FOXN3: variants seen among roughly 807,000 people sequenced by gnomAD.
The protein encoded by FOXN3 is forkhead box protein N3.
FOXN3 carries 7 observed loss-of-function variants against 38.4 expected under a neutral mutation model. The observed-to-expected ratio is 0.18, with a 90% CI of 0.10 to 0.34. The LOEUF (loss-of-function observed/expected upper bound fraction) is 0.34. FOXN3 is among the 10% of genes least tolerant of loss of function. The probability of loss-of-function intolerance (pLI) is 1.00; values close to 1 mark genes in which losing one functional copy is unlikely to be tolerated. For synonymous variants in FOXN3, 230 were observed against 242.2 expected (o/e 0.95, Z 0.47); for missense variants, 456 against 613.4 (o/e 0.74, Z 2.71).
intron 2 of FOXN3, among the ~76,000 whole-genome samples, chr14:89,391,251 G>C (rs1243705061): frequency 6.6e-6 from 1 of 152,212 alleles, no homozygotes; most frequent in Non-Finnish European, 1.5e-5. Context: ...GCACGACTGT[G>C]TCTCAGAAAT....
intron 1 of FOXN3, among the ~76,000 whole-genome samples, chr14:89,601,890 G>C (rs1005098654): frequency 6.6e-6 from 1 of 152,072 alleles, no homozygotes; most frequent in Non-Finnish European, 1.5e-5. Flanking sequence ...TTTCCAGGTA[G>C]AGTAAATGAA....
intron 1 of FOXN3, among the ~76,000 whole-genome samples, chr14:89,542,439 TG>T (rs2139849928): frequency 6.6e-6 from 1 of 152,330 alleles, no homozygotes. Context: ...TTGCTCAAAA[TG>T]GAGTCACTCT....
chr14:89,419,255 G>C (rs1453085310), upstream of FOXN3: 1 of 453,304 alleles, frequency 2.2e-6, no homozygotes, highest in African/African-American at 2.0e-5. Context: ...TCTGCCTGTC[G>C]GTCTATCTGA....
chr14:89,306,525 C>T (rs1887382235), intron 3 of FOXN3, among the ~76,000 whole-genome samples: 1 of 152,140 alleles, frequency 6.6e-6, no homozygotes, highest in Non-Finnish European at 1.5e-5. Flanking sequence ...CACCACCACG[C>T]CCGGCTAATT....
At chr14:89,207,442 T>G (rs554721429) in intron 4 of FOXN3, among the ~76,000 whole-genome samples, 3 of 152,208 alleles carry the variant, frequency 2.0e-5, no homozygotes, top group African/African-American at 4.8e-5. Context: ...GCTATTGATA[T>G]TACTATAGTT....
rs1164552512 is a variant in FOXN3 at position 89,569,305 on chromosome 14, A to G, written c.-15+49723T>C. On this transcript the variant is annotated intron_variant, in intron 1 of 6. Coordinates refer to the FOXN3 transcript ENST00000345097. ...GGGTGGGGGTGGGTGCCCATCTAAG[A>G]GTCAGGGAAAGTAGTATTTAATACG... Among the ~76,000 whole-genome samples the G allele has an allele frequency of 7.2e-5, 11 of 152,198 alleles. 1 individual carries two copies. Among genetic ancestry groups the G allele is most frequent in the Non-Finnish European group, 1.2e-4 (8 of 68,042 alleles).
At chr14:89,449,297 A>G (rs189660993) in intron 1 of FOXN3, among the ~76,000 whole-genome samples, 1,909 of 152,338 alleles carry the variant, frequency 0.013, 16 homozygotes, top group Middle Eastern at 0.037. Flanking sequence ...GTGATTTCTT[A>G]AAAGTCCATA....
At chr14:89,252,384 G>A (rs549442387) in intron 4 of FOXN3, among the ~76,000 whole-genome samples, 1 of 152,320 alleles carries the variant, frequency 6.6e-6, no homozygotes, top group South Asian at 2.1e-4. Context: ...GCTGGGTGCA[G>A]TGGCTCACAC....
At chr14:89,514,061 G>C (rs1241756895) in intron 1 of FOXN3, among the ~76,000 whole-genome samples, 1 of 152,130 alleles carries the variant, frequency 6.6e-6, no homozygotes, top group African/African-American at 2.4e-5. Context: ...TAATGCTAAA[G>C]GGCTGCCAGA....
intron 3 of FOXN3, among the ~76,000 whole-genome samples, chr14:89,287,625 T>TTCTC: frequency 6.6e-6 from 1 of 152,138 alleles, no homozygotes; most frequent in South Asian, 2.1e-4. Context: ...TAACTGCACT[T>TTCTC]TTCCTTTTTT....
At chr14:89,354,372 C>T (rs1889110086) in intron 2 of FOXN3, among the ~76,000 whole-genome samples, 1 of 150,628 alleles carries the variant, frequency 6.6e-6, no homozygotes, top group Non-Finnish European at 1.5e-5. Context: ...ATTACAGGCA[C>T]CCGCCACCAC....
upstream of FOXN3, among the ~76,000 whole-genome samples, chr14:89,420,661 A>G (rs995816100): frequency 6.6e-6 from 1 of 152,194 alleles, no homozygotes; most frequent in African/African-American, 2.4e-5. Context: ...CACTGAACAA[A>G]TATTTGCTGA....
At chr14:89,288,706 CTCTCTCTCTCTCTCTCTCTATATATATA>C (rs1886738422) in intron 3 of FOXN3, among the ~76,000 whole-genome samples, 30 of 87,680 alleles carry the variant, frequency 3.4e-4, no homozygotes, top group African/African-American at 9.6e-4. Flanking sequence ...CTCTCTCTCT[CTCTCTCTCTCTCTCTCTCTATATATATA>C]TATATATATA....
chr14:89,275,832 C>T (rs1305507446), intron 4 of FOXN3, among the ~76,000 whole-genome samples: 1 of 152,226 alleles, frequency 6.6e-6, no homozygotes, highest in Admixed American at 6.5e-5. Context: ...GAACAGCATG[C>T]ATCTCACAGC....
chr14:89,581,980 A>G (rs1461534434), intron 1 of FOXN3, among the ~76,000 whole-genome samples: 1 of 152,210 alleles, frequency 6.6e-6, no homozygotes, highest in Non-Finnish European at 1.5e-5. Flanking sequence ...GAGGCAAGGG[A>G]GACCAGATTC....
intron 1 of FOXN3, among the ~76,000 whole-genome samples, chr14:89,496,856 C>T (rs1893694269): frequency 6.6e-6 from 1 of 152,218 alleles, no homozygotes; most frequent in South Asian, 2.1e-4. Context: ...TCTTCTACCT[C>T]ATAAAAGTGG....
At chr14:89,233,865 C>T (rs7160742) in intron 4 of FOXN3, among the ~76,000 whole-genome samples, 3,455 of 152,328 alleles carry the variant, frequency 0.023, 135 homozygotes, top group African/African-American at 0.079. Context: ...GGCCTAAACC[C>T]CATGACGCCA....
chr14:89,614,663 G>A (rs897238472), intron 1 of FOXN3, among the ~76,000 whole-genome samples: 4 of 152,218 alleles, frequency 2.6e-5, no homozygotes, highest in Admixed American at 6.5e-5. Flanking sequence ...CAGTGGTACT[G>A]GGTTCCAGAG....
chr14:89,290,693 T>TG (rs1362469635), intron 3 of FOXN3: 1 of 414,544 alleles, frequency 2.4e-6, no homozygotes, highest in African/African-American at 2.1e-5. Flanking sequence ...ATGTGGGACT[T>TG]GGAATGTAGC....
Sources: gnomAD v4.1 joint callset for allele counts (sites outside exome capture counted in the v4.1 genomes callset) on GRCh38, gnomAD v4.1.1 for gene constraint, MANE v1.5 for transcripts, NCBI Gene and HGNC (gene_info 2026-07-23, HGNC 2026-07-21) for gene names.